Variants in VWDE observed in about 807,000 individuals in gnomAD.
VWDE encodes the protein von Willebrand factor D and EGF domain-containing protein.
VWDE carries 207 observed loss-of-function variants against 178.4 expected under a neutral mutation model. The observed-to-expected ratio is 1.16, with a 90% CI of 1.04 to 1.30. VWDE has a LOEUF of 1.30. VWDE is among the 50% of genes most tolerant of loss of function. The probability of loss-of-function intolerance (pLI) is 0.00; values close to 1 mark genes in which losing one functional copy is unlikely to be tolerated. For missense variants in VWDE, 2,287 were observed against 1,901.3 expected (o/e 1.20, Z -3.77); for synonymous variants, 738 against 651.4 (o/e 1.13, Z -2.02).
chr7:12,377,991 G>A (rs1411033488), intron 6 of VWDE, 71 bp from the exon 7 acceptor site: 9 of 1,182,406 alleles, frequency 7.6e-6, no homozygotes, highest in Non-Finnish European at 3.3e-6. Context: ...TTTTGAAAGG[G>A]CATTTTCTCA....
intron 26 of VWDE, among the ~76,000 whole-genome samples, 176 bp from the exon 27 acceptor site, chr7:12,336,412 A>G (rs879668256): frequency 2.0e-5 from 3 of 152,240 alleles, no homozygotes; most frequent in Admixed American, 6.5e-5. Flanking sequence ...ATATTCTTGG[A>G]AAATGTGACC....
chr7:12,337,217 G>T lies in VWDE; in HGVS notation c.4422C>A (p.Cys1474Ter). The T allele has an allele frequency of 6.4e-7, 1 of 1,551,910 alleles. No individual in the cohort carries two copies. Among genetic ancestry groups the T allele is most frequent in the Non-Finnish European group, 8.7e-7 (1 of 1,147,012 alleles). The change falls in exon 25 of 29, where the codon TGC (cysteine) becomes TGA (stop). Residue 1474 changes from cysteine (C) to a stop codon, truncating the protein, a stop_gained. Coordinates refer to ENST00000275358, the MANE Select transcript of VWDE (RefSeq NM_001135924.3). LOFTEE classifies it high-confidence loss of function. The part of the protein sequence containing the change: ...NGGHCMRNNV[C>*]VCREGYTGRR... ...TACCAGTGTATCCTTCACGACAGAC[G>T]CACACATTATTTCTCATGCAGTGGC...
At chr7:12,371,293 T>G (rs1783184486) in intron 10 of VWDE, among the ~76,000 whole-genome samples, 1 of 152,194 alleles carries the variant, frequency 6.6e-6, no homozygotes, top group South Asian at 2.1e-4. Context: ...CCGCAGCTAA[T>G]TAGCATTCTC....
chr7:12,399,799 T>A (rs563054770), intron 1 of VWDE, among the ~76,000 whole-genome samples: 1 of 152,076 alleles, frequency 6.6e-6, no homozygotes, highest in Non-Finnish European at 1.5e-5. Context: ...CTAGGCAACA[T>A]AGTAAGATCC....
chr7:12,391,161 A>G (rs1784372486), intron 2 of VWDE, among the ~76,000 whole-genome samples: 1 of 152,216 alleles, frequency 6.6e-6, no homozygotes, highest in South Asian at 2.1e-4. Context: ...TAAATAAGAT[A>G]AAACAATAGC....
chr7:12,392,998 A>G (rs2128562347), intron 2 of VWDE, among the ~76,000 whole-genome samples: 1 of 152,282 alleles, frequency 6.6e-6, no homozygotes, highest in South Asian at 2.1e-4. Context: ...ATGCCTCCAG[A>G]GTATTGAATG....
chr7:12,366,753 T>C lies in VWDE; in HGVS notation c.2898+604A>G, dbSNP rs144630860. Among the ~76,000 whole-genome samples, 53 of 152,246 alleles carry C rather than the reference T, an allele frequency of 3.5e-4. 2 individuals are homozygous for C. The East Asian group carries it at 9.7e-3, about 28-fold the overall frequency. The stretch of plus-strand genomic sequence containing the variant: ...TTTTCAGCTTACCTACATATACTTT[T>C]GAAATTCATAGAGTCATCCTTAAAA... On this transcript the variant is annotated intron_variant, in intron 13 of 28. Transcript: ENST00000275358.
intron 1 of VWDE, 35 bp downstream of exon 1, chr7:12,403,624 T>G (rs1785018910): frequency 1.3e-6 from 2 of 1,528,016 alleles, no homozygotes; most frequent in Non-Finnish European, 1.8e-6. Flanking sequence ...GCGGCGCCAC[T>G]GCGCGCCCAC....
intron 7 of VWDE, among the ~76,000 whole-genome samples, chr7:12,376,147 A>G (rs1367451525): frequency 6.6e-5 from 10 of 152,088 alleles, no homozygotes; most frequent in African/African-American, 2.4e-4. Context: ...AATAACAGAA[A>G]CATTCAAACT....
In VWDE at chr7:12,380,572, C is replaced by T. The variant is rs1426438893; in HGVS notation, c.703G>A (p.Val235Ile). The T allele has an allele frequency of 1.3e-6, 2 of 1,552,208 alleles. No homozygotes were observed. Among genetic ancestry groups the T allele is most frequent in the Admixed American group, 2.0e-5 (1 of 51,008 alleles). ...IAWSRLSSQE[V>I]KEELTQETTV... ...GTCTCTTGTGTCAGCTCCTCTTTGA[C>T]TTCTTGAGAAGAAAGCCTAGACCAA... Residue 235 changes from valine (V) to isoleucine (I), a missense_variant, in exon 5 of 29, where the codon GTC becomes ATC. Physicochemically the swap from Val to Ile is conservative, Grantham distance 29. Transcript: ENST00000275358.
intron 1 of VWDE, among the ~76,000 whole-genome samples, chr7:12,396,807 T>A (rs1305396571): frequency 6.6e-6 from 1 of 151,464 alleles, no homozygotes; most frequent in African/African-American, 2.4e-5. Context: ...TTGTGGTGCA[T>A]GCCTGTAATC....
rs1782243213 is a variant in VWDE, at chr7:12,356,256, T to G, written c.3600A>C (p.Gly1200=). The G allele has an allele frequency of 1.3e-6, 2 of 1,551,344 alleles. No homozygotes were observed. The highest frequency in any genetic ancestry group is 1.2e-5 in the South Asian group (1 of 84,052). The change falls in exon 18 of 29, where the codon GGA becomes GGC. Residue 1200 remains glycine (G), a synonymous_variant. Coordinates refer to ENST00000275358, the MANE Select transcript of VWDE (RefSeq NM_001135924.3). Reference sequence around the variant, plus strand: ...CAGGCAAGCAGACACACAGGTACACTCCACTCCCTGGAGAAAAGTTCCTAT... The same window carrying G: ...CAGGCAAGCAGACACACAGGTACACGCCACTCCCTGGAGAAAAGTTCCTAT... ...VSDRNFSPGS[G]VYLCVCLPGF... is the part of the protein sequence containing the mutation.
intron 24 of VWDE, among the ~76,000 whole-genome samples, chr7:12,339,952 G>C (rs146273094): frequency 6.6e-6 from 1 of 152,200 alleles, no homozygotes; most frequent in Non-Finnish European, 1.5e-5. Flanking sequence ...GAGATTATGG[G>C]ATAATAGTGG....
chr7:12,383,403 T>G, intron 4 of VWDE, 133 bp downstream of exon 4: 1 of 723,620 alleles, frequency 1.4e-6, no homozygotes, highest in East Asian at 2.9e-5. Context: ...TTATTTTTAT[T>G]TTTGATAGCT....
At chr7:12,350,072 G>A (rs10280000) in intron 19 of VWDE, among the ~76,000 whole-genome samples, 96,293 of 151,706 alleles carry the variant, frequency 0.63, 31,327 homozygotes, top group African/African-American at 0.79. Flanking sequence ...TTAAGGAAAG[G>A]GTATTTTCAA....
intron 1 of VWDE, among the ~76,000 whole-genome samples, chr7:12,401,723 ACATCCTGG>A (rs986011163): frequency 6.6e-5 from 10 of 152,170 alleles, no homozygotes; most frequent in African/African-American, 2.4e-4. Context: ...ACTTTGGAAA[ACATCCTGG>A]CTGTTCCTTA....
Position 12,373,355 on chromosome 7 carries a change from C to G in VWDE, c.1317-108G>C, listed in dbSNP as rs543858127. On this transcript the variant is annotated intron_variant, in intron 9 of 28. Coordinates refer to ENST00000275358, the MANE Select transcript of VWDE (RefSeq NM_001135924.3). The stretch of plus-strand genomic sequence containing the variant: ...TATCACGATCATTTTGTTGTATGCA[C>G]TGAAGGAAACAAAGTAGTCATAAAC... The G allele has an allele frequency of 6.5e-4, 737 of 1,141,448 alleles. 2 individuals are homozygous for G. In the African/African-American group the frequency reaches 0.011, roughly 16 times the overall value. The allele number at this position is 1,141,448 out of a possible 1,614,324, so 70.7% of individuals were successfully genotyped here.
rs2128555468 is a variant in VWDE, at chr7:12,369,980, T to C, written c.2326A>G (p.Thr776Ala). The C allele has an allele frequency of 6.4e-7, 1 of 1,551,430 alleles. No individual in the cohort carries two copies. Among genetic ancestry groups the C allele is most frequent in the Admixed American group, 2.0e-5 (1 of 50,976 alleles). The change falls in exon 12 of 29, where the codon ACT (threonine) becomes GCT (alanine). Residue 776 changes from threonine (T) to alanine (A), a missense_variant. Transcript: ENST00000275358. ...SLSQTDLEEL[T>A]YFFPEDHAED... The stretch of plus-strand genomic sequence containing the variant: ...GCATGGTCCTCTGGGAAAAAATAAG[T>C]AAGTTCTTCCAGATCCGTTTGGCTG...
intron 2 of VWDE, among the ~76,000 whole-genome samples, chr7:12,392,849 A>T (rs1346088816): frequency 6.6e-6 from 1 of 152,042 alleles, no homozygotes; most frequent in Non-Finnish European, 1.5e-5. Context: ...TCATGTACAA[A>T]ACCTTTTTAA....
Sources: allele counts gnomAD v4.1 joint callset (sites outside exome capture counted in the v4.1 genomes callset), GRCh38; gene constraint gnomAD v4.1.1; transcripts MANE v1.5; gene names NCBI Gene and HGNC (gene_info 2026-07-23, HGNC 2026-07-21).